Variants in LRP1B observed in about 807,000 individuals in gnomAD.
LRP1B encodes the protein low-density lipoprotein receptor-related protein 1B.
A neutral mutation model predicts 556.6 loss-of-function variants in LRP1B; 217 were observed. That is an observed-to-expected ratio of 0.39 (90% CI 0.35 to 0.44). The LOEUF (loss-of-function observed/expected upper bound fraction) is 0.44. Ranked by LOEUF, LRP1B falls within the 20% of genes least tolerant of loss-of-function variation. The pLI is 1.00. For missense variants in LRP1B, 5,053 were observed against 5,620.8 expected, an observed-to-expected ratio of 0.90 and a Z score of 3.23; for synonymous variants, 2,047 against 1,865.8, an observed-to-expected ratio of 1.10 and a Z score of -2.50.
intron 66 of LRP1B, among the ~76,000 whole-genome samples, chr2:140,414,135 C>T (rs1685079890): frequency 6.6e-6 from 1 of 152,088 alleles, no homozygotes; most frequent in Non-Finnish European, 1.5e-5. Flanking sequence ...AGACTGGTCT[C>T]AAACTCATAA....
In LRP1B at chr2:140,732,811, G is replaced by A. The variant is rs149757469; in HGVS notation, c.5759-15995C>T. On this transcript the variant is annotated intron_variant, in intron 35 of 90. Transcript: ENST00000389484. ...AGAGTTTTTTAGAATGCATCCCAGA[G>A]AGATAAAAGGAAAACAAGATTCCTT... is the stretch of plus-strand genomic sequence containing the variant. Among the ~76,000 whole-genome samples the A allele has an allele frequency of 1.6e-3, 249 of 152,238 alleles. 4 individuals are homozygous for A. Among genetic ancestry groups the A allele is most frequent in the East Asian group, 5.6e-3 (29 of 5,180 alleles).
chr2:140,984,772 T>C (rs1696868170), intron 17 of LRP1B, among the ~76,000 whole-genome samples: 1 of 152,076 alleles, frequency 6.6e-6, no homozygotes, highest in Non-Finnish European at 1.5e-5. Flanking sequence ...GCCCTGAAGA[T>C]ATATGAATTC....
chr2:140,612,976 A>C (rs1263092543), intron 41 of LRP1B, among the ~76,000 whole-genome samples: 1 of 149,378 alleles, frequency 6.7e-6, no homozygotes, highest in African/African-American at 2.4e-5. Context: ...TTTATTTGCC[A>C]CCCAGCAAGT....
intron 3 of LRP1B, among the ~76,000 whole-genome samples, chr2:141,403,465 T>C (rs1311165885): frequency 1.3e-5 from 2 of 152,120 alleles, no homozygotes; most frequent in Non-Finnish European, 1.5e-5. Context: ...TTCATCTATG[T>C]GAGGTTGAAG....
chr2:141,069,770 A>T (rs1300842852), intron 7 of LRP1B, among the ~76,000 whole-genome samples: 1 of 152,050 alleles, frequency 6.6e-6, no homozygotes, highest in Non-Finnish European at 1.5e-5. Flanking sequence ...GTCTTAGATA[A>T]TATCAGAACT....
intron 66 of LRP1B, among the ~76,000 whole-genome samples, chr2:140,441,940 G>A (rs1573942853): frequency 1.3e-5 from 2 of 151,982 alleles, no homozygotes; most frequent in East Asian, 3.9e-4. Context: ...CCATTTCTGC[G>A]ATAACAATTA....
intron 43 of LRP1B, among the ~76,000 whole-genome samples, chr2:140,578,746 A>T (rs1377595193): frequency 2.0e-5 from 3 of 152,190 alleles, no homozygotes; most frequent in Non-Finnish European, 2.9e-5. Context: ...ATAATAAAAA[A>T]AAATAAAATA....
intron 2 of LRP1B, among the ~76,000 whole-genome samples, chr2:141,654,394 T>G (rs970276010): frequency 3.0e-4 from 45 of 152,290 alleles, no homozygotes; most frequent in African/African-American, 1.1e-3. Context: ...TTTGGTTGAA[T>G]GGTAACTGAA....
At chr2:141,835,990 A>G (rs1223577055) in intron 1 of LRP1B, among the ~76,000 whole-genome samples, 1 of 152,028 alleles carries the variant, frequency 6.6e-6, no homozygotes, top group Non-Finnish European at 1.5e-5. Flanking sequence ...AATGATTACA[A>G]AACAGAAATA....
At chr2:141,639,589 A>G (rs1387505328) in intron 2 of LRP1B, among the ~76,000 whole-genome samples, 1 of 150,976 alleles carries the variant, frequency 6.6e-6, no homozygotes, top group East Asian at 2.0e-4. Flanking sequence ...ATTCTCCTGT[A>G]CCTTGTGCAT....
chr2:141,726,442 G>A (rs1306160140), intron 2 of LRP1B, among the ~76,000 whole-genome samples: 1 of 151,716 alleles, frequency 6.6e-6, no homozygotes, highest in Non-Finnish European at 1.5e-5. Flanking sequence ...TTCCTACAAT[G>A]TGCATTCTAG....
intron 86 of LRP1B, 79 bp downstream of exon 86, chr2:140,270,163 A>T (rs1309345755): frequency 6.0e-6 from 6 of 1,000,716 alleles, no homozygotes; most frequent in Non-Finnish European, 6.3e-6. Context: ...TACCCCAGAA[A>T]AGGAGAATAA....
chr2:141,559,432 G>T (rs999388426), intron 2 of LRP1B, among the ~76,000 whole-genome samples: 2 of 151,666 alleles, frequency 1.3e-5, no homozygotes, highest in African/African-American at 2.4e-5. Flanking sequence ...CTGATAAAAT[G>T]AGGTGTCACT....
intron 50 of LRP1B, 21 bp downstream of exon 50, chr2:140,516,868 A>G (rs1364836734): frequency 6.2e-7 from 1 of 1,612,056 alleles, no homozygotes; most frequent in Non-Finnish European, 8.5e-7. Context: ...AACAAAAACT[A>G]AGCTAAATAC....
chr2:141,976,440 C>T (rs1426725569), intron 1 of LRP1B, among the ~76,000 whole-genome samples: 1 of 152,046 alleles, frequency 6.6e-6, no homozygotes, highest in East Asian at 1.9e-4. Flanking sequence ...CGAACTTTTG[C>T]AAACCTAAGA....
chr2:140,324,259 A>C (rs1680329223), intron 80 of LRP1B, among the ~76,000 whole-genome samples, 193 bp from the exon 81 acceptor site: 1 of 152,042 alleles, frequency 6.6e-6, no homozygotes, highest in Non-Finnish European at 1.5e-5. Context: ...AATATAGTAA[A>C]CATGTTACTT....
chr2:140,916,304 C>A (rs76269742), intron 21 of LRP1B, among the ~76,000 whole-genome samples: 8 of 152,158 alleles, frequency 5.3e-5, no homozygotes, highest in Non-Finnish European at 1.0e-4. Flanking sequence ...TTCTAATAAT[C>A]CAGATTGGTT....
At chr2:141,581,498 T>C (rs72978011) in intron 2 of LRP1B, among the ~76,000 whole-genome samples, 4,245 of 152,204 alleles carry the variant, frequency 0.028, 213 homozygotes, top group African/African-American at 0.094. Flanking sequence ...AATATCTTCA[T>C]GGGAGAAAGA....
intron 2 of LRP1B, among the ~76,000 whole-genome samples, chr2:141,645,373 C>A (rs1237569625): frequency 6.6e-6 from 1 of 151,756 alleles, no homozygotes; most frequent in East Asian, 1.9e-4. Flanking sequence ...TGCCCTAGAC[C>A]TCAGCCTCAT....
Sources: gnomAD v4.1 joint callset for allele counts (sites outside exome capture counted in the v4.1 genomes callset) on GRCh38, gnomAD v4.1.1 for gene constraint, MANE v1.5 for transcripts, NCBI Gene and HGNC (gene_info 2026-07-23, HGNC 2026-07-21) for gene names.